Variants in HADHB observed in about 807,000 individuals in gnomAD.
HADHB encodes the protein hydroxyacyl-CoA dehydrogenase trifunctional multienzyme complex subunit beta.
In HADHB, 50 loss-of-function variants were observed where a neutral mutation model predicts 61.9. The ratio of observed to expected loss-of-function variants is 0.81; its 90% CI spans 0.64 to 1.02. The LOEUF (loss-of-function observed/expected upper bound fraction) is 1.02. Ranked by LOEUF, HADHB falls within the 50% of genes least tolerant of loss-of-function variation. The probability of loss-of-function intolerance (pLI) is 0.00; values close to 1 mark genes in which losing one functional copy is unlikely to be tolerated. For missense variants in HADHB, 504 were observed against 586.5 expected (o/e 0.86, Z 1.45); for synonymous variants, 191 against 201.6 (o/e 0.95, Z 0.45).
At chr2:26,276,408 T>A (rs1225608713) in intron 6 of HADHB, among the ~76,000 whole-genome samples, 4 of 152,206 alleles carry the variant, frequency 2.6e-5, no homozygotes, top group African/African-American at 9.6e-5. Context: ...TTTCATTGAG[T>A]TGAGCTTCTG....
intron 2 of HADHB, 55 bp from the exon 3 acceptor site, chr2:26,254,375 T>C: frequency 2.1e-6 from 3 of 1,457,574 alleles, no homozygotes; most frequent in Non-Finnish European, 2.9e-6. Context: ...TATAAACATC[T>C]CGCACAGATA....
chr2:26,260,977 C>T, intron 3 of HADHB: 1 of 1,469,806 alleles, frequency 6.8e-7, no homozygotes, highest in Non-Finnish European at 9.2e-7. Flanking sequence ...GCTTCTTTGC[C>T]TAGAGAGAGA....
chr2:26,265,375 C>A (rs1216634575), intron 4 of HADHB, among the ~76,000 whole-genome samples: 1 of 152,174 alleles, frequency 6.6e-6, no homozygotes, highest in African/African-American at 2.4e-5. Context: ...GCAGGTGGAT[C>A]ACCTGAGGTT....
chr2:26,263,666 C>T (rs1239255646), intron 4 of HADHB, among the ~76,000 whole-genome samples, 187 bp downstream of exon 4: 2 of 152,118 alleles, frequency 1.3e-5, no homozygotes, highest in Non-Finnish European at 2.9e-5. Flanking sequence ...TGTTTTTTAT[C>T]CTTCTCATGA....
At chr2:26,274,289 A>T (rs1672457626) in intron 6 of HADHB, among the ~76,000 whole-genome samples, 1 of 152,246 alleles carries the variant, frequency 6.6e-6, no homozygotes. Context: ...CAACCAAGAT[A>T]ATGACAGGCC....
intron 13 of HADHB, 122 bp from the exon 14 acceptor site, chr2:26,284,761 C>CT (rs1672952931): frequency 1.3e-6 from 1 of 744,912 alleles, no homozygotes; most frequent in Non-Finnish European, 2.5e-6. Flanking sequence ...GCCACTGTGC[C>CT]TGGCCGATTT....
At chr2:26,278,917 T>C in intron 8 of HADHB, 116 bp downstream of exon 8, 1 of 1,037,872 alleles carries the variant, frequency 9.6e-7, no homozygotes, top group South Asian at 1.3e-5. Context: ...AAGGGTTAAT[T>C]ACTTGCTCAA....
intron 5 of HADHB, among the ~76,000 whole-genome samples, chr2:26,272,956 G>T (rs72851521): frequency 6.6e-6 from 1 of 151,910 alleles, no homozygotes; most frequent in African/African-American, 2.4e-5. Context: ...CATGGCAGGC[G>T]CTTGTAGCCC....
chr2:26,261,512 T>C lies in HADHB; in HGVS notation c.110-1868T>C, dbSNP rs72849978. On this transcript the variant is annotated intron_variant, in intron 3 of 15. Transcript: ENST00000317799. ...AAATGAGGCCAGGCGCAGTGCCTTA[T>C]GCCGGTAATCCCAACACTTTGGGAA... 961 of 156,606 alleles carry C rather than the reference T, an allele frequency of 6.1e-3. 8 individuals are homozygous for C. The highest frequency in any genetic ancestry group is 0.022 in the African/African-American group (896 of 41,608). 9.7% of individuals were successfully genotyped at this position (156,606 alleles called of 1,614,324 possible).
At chr2:26,280,938 G>A (rs1672763063) in intron 10 of HADHB, among the ~76,000 whole-genome samples, 1 of 151,546 alleles carries the variant, frequency 6.6e-6, no homozygotes, top group Non-Finnish European at 1.5e-5. Context: ...GAGAGCAAGG[G>A]GTTCTTTGGG....
chr2:26,287,869 C>T (rs896426741), intron 15 of HADHB, among the ~76,000 whole-genome samples: 1 of 152,164 alleles, frequency 6.6e-6, no homozygotes, highest in African/African-American at 2.4e-5. Context: ...CCCACCTCTG[C>T]CCCAGGTACA....
intron 4 of HADHB, among the ~76,000 whole-genome samples, chr2:26,268,787 T>G (rs1346360231): frequency 8.5e-5 from 13 of 152,184 alleles, no homozygotes. Flanking sequence ...TGAATAGTAT[T>G]GTGCCAATGT....
intron 5 of HADHB, among the ~76,000 whole-genome samples, chr2:26,270,211 T>C (rs997638968): frequency 6.6e-6 from 1 of 152,204 alleles, no homozygotes; most frequent in Admixed American, 6.5e-5. Context: ...CAGGACTCGA[T>C]TGATCAGCCT....
In HADHB at chr2:26,273,649, A is replaced by G. The variant is rs1220650950; in HGVS notation, c.255-2A>G. 3.9e-6 allele frequency: 6 copies of G among 1,537,124 alleles called. No individual in the cohort carries two copies. The African/African-American group carries it at 4.1e-5, about 10-fold the overall frequency. On this transcript the variant is annotated splice_acceptor_variant, in intron 5 of 15. Coordinates refer to ENST00000317799, the MANE Select transcript of HADHB (RefSeq NM_000183.3). LOFTEE classifies it high-confidence loss of function. ...TTCTTTGCTTTGGATTTCTACTTCC[A>G]GGGGTTTGTTGCATCGGACCAGTGT...
intron 3 of HADHB, chr2:26,261,228 G>C: frequency 2.2e-6 from 1 of 447,346 alleles, no homozygotes; most frequent in Non-Finnish European, 4.0e-6. Flanking sequence ...CCCCCATCCA[G>C]ACAAACAAAA....
intron 13 of HADHB, 50 bp from the exon 14 acceptor site, chr2:26,284,833 G>A (rs375841566): frequency 1.5e-5 from 14 of 925,880 alleles, no homozygotes; most frequent in East Asian, 2.4e-5. Flanking sequence ...ATAAGAAAGC[G>A]TAGAGGAACA....
At chr2:26,269,402 T>C (rs1037621739) in intron 4 of HADHB, among the ~76,000 whole-genome samples, 1 of 152,032 alleles carries the variant, frequency 6.6e-6, no homozygotes, top group African/African-American at 2.4e-5. Flanking sequence ...TTGCTTGCTC[T>C]GTTACCCAGG....
In HADHB at chr2:26,284,238, A is replaced by G. The variant is rs111466374; in HGVS notation, c.1149+34A>G. On this transcript the variant is annotated intron_variant, in intron 13 of 15. Transcript: ENST00000317799. ...TTTGAAAGACACATATGAAGGGACT[A>G]TAGTCATAAAAAATGTCATCCATAT... The G allele has an allele frequency of 6.3e-4, 691 of 1,100,620 alleles. 4 individuals are homozygous for G. The African/African-American group carries it at 9.5e-3, about 15-fold the overall frequency. The allele number at this position is 1,100,620 out of a possible 1,614,324, so 68.2% of individuals were successfully genotyped here.
intron 15 of HADHB, 73 bp from the exon 16 acceptor site, chr2:26,289,845 G>A (rs1276176055): frequency 8.9e-6 from 9 of 1,007,974 alleles, no homozygotes; most frequent in Middle Eastern, 4.1e-4. Context: ...TTTTCTCCTT[G>A]TTCTCTGCTG....
Sources: allele counts gnomAD v4.1 joint callset (sites outside exome capture counted in the v4.1 genomes callset), GRCh38; gene constraint gnomAD v4.1.1; transcripts MANE v1.5; gene names NCBI Gene and HGNC (gene_info 2026-07-23, HGNC 2026-07-21).